Variants in NXPH2 observed in about 807,000 individuals in gnomAD.
NXPH2 encodes neurexophilin-2.
Under a neutral mutation model 19.8 loss-of-function variants are expected in NXPH2, and 5 were observed. The observed-to-expected ratio is 0.25, with a 90% CI of 0.13 to 0.53. The LOEUF (loss-of-function observed/expected upper bound fraction) is 0.53, where lower values mean the gene tolerates loss of function less well. Among genes scored for constraint, NXPH2 ranks in the 20% least tolerant of loss-of-function variants. The pLI is 0.96. For synonymous variants in NXPH2, 154 were observed against 127.4 expected, an observed-to-expected ratio of 1.21 and a Z score of -1.41; for missense variants, 289 against 322.8, an observed-to-expected ratio of 0.90 and a Z score of 0.80.
chr2:138,731,835 C>T (rs550809333), intron 1 of NXPH2, among the ~76,000 whole-genome samples: 60 of 152,170 alleles, frequency 3.9e-4, no homozygotes, highest in African/African-American at 1.4e-3. Flanking sequence ...TCTTCACAAT[C>T]CCTGAGAGTC....
chr2:138,714,980 A>G (rs1681171776), intron 1 of NXPH2, among the ~76,000 whole-genome samples: 1 of 152,350 alleles, frequency 6.6e-6, no homozygotes, highest in South Asian at 2.1e-4. Context: ...TTTCCTGAAC[A>G]TCAATGGGAA....
intron 1 of NXPH2, among the ~76,000 whole-genome samples, chr2:138,710,789 C>T (rs938966557): frequency 1.3e-5 from 2 of 152,154 alleles, no homozygotes; most frequent in East Asian, 1.9e-4. Context: ...ATTCACTCGC[C>T]GTCTGTTTTC....
chr2:138,753,995 T>A (rs1049799541), intron 1 of NXPH2, among the ~76,000 whole-genome samples: 1 of 151,956 alleles, frequency 6.6e-6, no homozygotes, highest in Non-Finnish European at 1.5e-5. Context: ...GTTATTTCAA[T>A]TTTTTTTGTT....
At chr2:138,685,782 C>T (rs1167998783) in intron 1 of NXPH2, among the ~76,000 whole-genome samples, 1 of 152,188 alleles carries the variant, frequency 6.6e-6, no homozygotes, top group Non-Finnish European at 1.5e-5. Context: ...TATAAGGTTA[C>T]TTGATGGTGA....
At chr2:138,726,206 C>T (rs1225586454) in intron 1 of NXPH2, among the ~76,000 whole-genome samples, 3 of 152,026 alleles carry the variant, frequency 2.0e-5, no homozygotes, top group Non-Finnish European at 4.4e-5. Flanking sequence ...CCGTGCCCAA[C>T]TAATTTTTTC....
intron 1 of NXPH2, among the ~76,000 whole-genome samples, chr2:138,705,046 C>T (rs1680986783): frequency 6.6e-6 from 1 of 152,078 alleles, no homozygotes. Flanking sequence ...AGGCTGGTCT[C>T]AAACTCCTGA....
chr2:138,680,549 T>C (rs1230345710), intron 1 of NXPH2, among the ~76,000 whole-genome samples: 1 of 151,894 alleles, frequency 6.6e-6, no homozygotes, highest in African/African-American at 2.4e-5. Flanking sequence ...AGCAAGGGGG[T>C]GAAGCAATTC....
At chr2:138,752,719 C>T (rs1335619689) in intron 1 of NXPH2, among the ~76,000 whole-genome samples, 2 of 152,102 alleles carry the variant, frequency 1.3e-5, no homozygotes, top group Non-Finnish European at 2.9e-5. Flanking sequence ...ATTTAGCTAT[C>T]GTGTCTCCTG....
At chr2:138,734,866 G>T (rs1395207009) in intron 1 of NXPH2, among the ~76,000 whole-genome samples, 1 of 152,186 alleles carries the variant, frequency 6.6e-6, no homozygotes, top group Non-Finnish European at 1.5e-5. Flanking sequence ...AGGGTAAACT[G>T]AGCTCACGTG....
At chr2:138,776,616 G>GT (rs79767460) in intron 1 of NXPH2, among the ~76,000 whole-genome samples, 51,006 of 139,966 alleles carry the variant, frequency 0.36, 9,334 homozygotes, top group African/African-American at 0.48. Flanking sequence ...ATATAGTGGT[G>GT]TTTTTTTTTT....
chr2:138,735,589 T>C (rs1681527430), intron 1 of NXPH2, among the ~76,000 whole-genome samples: 1 of 152,136 alleles, frequency 6.6e-6, no homozygotes, highest in African/African-American at 2.4e-5. Flanking sequence ...CAAGGTAAGA[T>C]TTGGGAAGGG....
At chr2:138,750,380 A>G (rs563829769) in intron 1 of NXPH2, among the ~76,000 whole-genome samples, 1 of 152,308 alleles carries the variant, frequency 6.6e-6, no homozygotes, top group African/African-American at 2.4e-5. Context: ...ACACTGGGGC[A>G]TAAGCAAATG....
intron 1 of NXPH2, among the ~76,000 whole-genome samples, chr2:138,729,411 T>A (rs926748951): frequency 1.3e-5 from 2 of 152,192 alleles, no homozygotes; most frequent in African/African-American, 2.4e-5. Context: ...GACTGTAAGT[T>A]TCCTGAGGCC....
chr2:138,762,175 G>A (rs997046953), intron 1 of NXPH2, among the ~76,000 whole-genome samples: 1 of 152,096 alleles, frequency 6.6e-6, no homozygotes, highest in Admixed American at 6.5e-5. Flanking sequence ...GAGATGAGAG[G>A]TCAAAATACA....
At chr2:138,747,213 A>G (rs1681750901) in intron 1 of NXPH2, among the ~76,000 whole-genome samples, 1 of 152,160 alleles carries the variant, frequency 6.6e-6, no homozygotes, top group Admixed American at 6.5e-5. Context: ...TTGACAATTC[A>G]GTTCTTATTA....
chr2:138,685,859 G>A (rs1680643660), intron 1 of NXPH2, among the ~76,000 whole-genome samples: 2 of 152,144 alleles, frequency 1.3e-5, no homozygotes, highest in Admixed American at 1.3e-4. Context: ...AACCATCAAA[G>A]TATAGGTCAC....
At chr2:138,704,584 C>A (rs11680435) in intron 1 of NXPH2, among the ~76,000 whole-genome samples, 76,307 of 151,984 alleles carry the variant, frequency 0.5, 21,326 homozygotes, top group South Asian at 0.75. Context: ...AGGAGGGGAA[C>A]TGGGAGCCTG....
rs1195370209 is a variant in NXPH2 at position 138,741,539 on chromosome 2, G to T, written c.51+38652C>A. Among the ~76,000 whole-genome samples, 4 of 152,166 alleles carry T rather than the reference G, an allele frequency of 2.6e-5. No homozygotes were observed. In the East Asian group the frequency reaches 7.7e-4, roughly 29 times the overall value. The stretch of plus-strand genomic sequence containing the variant: ...AATCCCAGTGATTTTGGTGAAAGAT[G>T]CACAAGCTGATACCTCATTTAGGGA... On this transcript the variant is annotated intron_variant, in intron 1 of 1. Transcript: ENST00000272641.
At chr2:138,773,116 C>A (rs1682203873) in intron 1 of NXPH2, among the ~76,000 whole-genome samples, 1 of 152,164 alleles carries the variant, frequency 6.6e-6, no homozygotes, top group Admixed American at 6.5e-5. Flanking sequence ...TGGCCTTGCA[C>A]ATGTTGAGTG....
Sources: gnomAD v4.1 joint callset for allele counts (sites outside exome capture counted in the v4.1 genomes callset) on GRCh38, gnomAD v4.1.1 for gene constraint, MANE v1.5 for transcripts, NCBI Gene and HGNC (gene_info 2026-07-23, HGNC 2026-07-21) for gene names.